DPP10: variants seen among roughly 807,000 people sequenced by gnomAD.
DPP10 encodes inactive dipeptidyl peptidase 10.
DPP10 carries 33 observed loss-of-function variants against 120.9 expected under a neutral mutation model. The ratio of observed to expected loss-of-function variants is 0.27; its 90% confidence interval spans 0.21 to 0.37. The LOEUF (loss-of-function observed/expected upper bound fraction) is 0.37, where lower values mean the gene tolerates loss of function less well. DPP10 is among the 10% of genes least tolerant of loss of function. The pLI is 1.00. For missense variants in DPP10, 816 were observed against 942.8 expected (o/e 0.87, Z 1.76); for synonymous variants, 337 against 326.1 (o/e 1.03, Z -0.36).
Position 115,753,181 on chromosome 2 carries a change from T to C in DPP10, c.958T>C (p.Tyr320His), listed in dbSNP as rs201054557. The C allele has an allele frequency of 8.1e-6, 13 of 1,610,500 alleles. No homozygotes were observed. In the East Asian group the frequency reaches 2.9e-4, roughly 36 times the overall value. ...PPDSFKSREYYITMVKWVSNT... is the reference protein window; with the variant it reads ...PPDSFKSREYHITMVKWVSNT... The stretch of plus-strand genomic sequence containing the variant: ...ATTTTGTTTCCAAACTAGAGAATAC[T>C]ATATCACTATGGTTAAATGGGTAAG... The change falls in exon 11 of 26, where the codon TAT becomes CAT. Residue 320 changes from tyrosine (Y) to histidine (H), a missense_variant. Transcript: ENST00000410059.
chr2:115,133,491 C>T (rs1031444209), intron 1 of DPP10, among the ~76,000 whole-genome samples: 13 of 151,892 alleles, frequency 8.6e-5, no homozygotes, highest in Admixed American at 7.2e-4. Context: ...AGGACATGTT[C>T]TCAATAGAGA....
chr2:115,410,125 T>G (rs1411190182), intron 3 of DPP10, among the ~76,000 whole-genome samples: 1 of 152,208 alleles, frequency 6.6e-6, no homozygotes, highest in East Asian at 1.9e-4. Context: ...AAATAGGGAA[T>G]CTGTGTATAT....
chr2:114,653,931 A>C (rs1348775657), intron 1 of DPP10, among the ~76,000 whole-genome samples: 1 of 152,134 alleles, frequency 6.6e-6, no homozygotes, highest in African/African-American at 2.4e-5. Context: ...CTAGATAGGC[A>C]TCTAGAAAGG....
At chr2:114,938,983 C>T (rs1696691133) in intron 1 of DPP10, among the ~76,000 whole-genome samples, 2 of 152,024 alleles carry the variant, frequency 1.3e-5, no homozygotes, top group African/African-American at 4.8e-5. Context: ...TACTTTCTAA[C>T]TTTCCTGTCA....
intron 24 of DPP10, among the ~76,000 whole-genome samples, chr2:115,838,527 C>T (rs988023659): frequency 2.6e-5 from 4 of 152,240 alleles, no homozygotes; most frequent in Non-Finnish European, 4.4e-5. Flanking sequence ...GCCTTTTATT[C>T]ACTGTGCCCT....
chr2:114,623,501 G>A (rs1421833666), intron 1 of DPP10, among the ~76,000 whole-genome samples: 1 of 152,064 alleles, frequency 6.6e-6, no homozygotes, highest in South Asian at 2.1e-4. Flanking sequence ...TGCAATTTGA[G>A]GGATTTTTAT....
intron 1 of DPP10, among the ~76,000 whole-genome samples, chr2:115,225,569 T>G (rs2057395370): frequency 6.6e-6 from 1 of 151,886 alleles, no homozygotes; most frequent in Non-Finnish European, 1.5e-5. Context: ...TTTACTGAGC[T>G]GGGGATAGAT....
rs765623168 is a variant in DPP10, at chr2:115,521,778, C to T, written c.367-4120C>T. 6.6e-5 allele frequency among the ~76,000 whole-genome samples: 10 copies of T among 152,188 alleles called. No individual in the cohort carries two copies. In the South Asian group the frequency reaches 2.1e-3, roughly 32 times the overall value. ...ATCTAACTAGTTTTTCACCCAGTTGCCAAGGTAATAGTTCTAAATTCAAAC... is the reference window on the plus strand; with the variant it reads ...ATCTAACTAGTTTTTCACCCAGTTGTCAAGGTAATAGTTCTAAATTCAAAC... On this transcript the variant is annotated intron_variant, in intron 4 of 25. Coordinates refer to ENST00000410059, the MANE Select transcript of DPP10 (RefSeq NM_020868.6).
At chr2:114,660,976 T>C (rs1697355646) in intron 1 of DPP10, among the ~76,000 whole-genome samples, 1 of 152,192 alleles carries the variant, frequency 6.6e-6, no homozygotes, top group South Asian at 2.1e-4. Flanking sequence ...ACAATAAAAT[T>C]AGGCTGCATT....
intron 1 of DPP10, among the ~76,000 whole-genome samples, chr2:115,158,877 A>C (rs1447544717): frequency 6.6e-6 from 1 of 152,194 alleles, no homozygotes; most frequent in African/African-American, 2.4e-5. Flanking sequence ...AGATTTAAAC[A>C]TTATCAAGAC....
intron 1 of DPP10, among the ~76,000 whole-genome samples, chr2:115,273,365 C>CTT: frequency 6.6e-6 from 1 of 151,846 alleles, no homozygotes; most frequent in South Asian, 2.1e-4. Flanking sequence ...TTGTTTTGAC[C>CTT]GAGTCTCCCT....
intron 3 of DPP10, among the ~76,000 whole-genome samples, chr2:115,464,439 C>A (rs965319993): frequency 1.1e-4 from 17 of 150,826 alleles, no homozygotes; most frequent in South Asian, 4.2e-4. Context: ...AACAAACAAA[C>A]AAAAAAAACA....
At chr2:115,288,948 A>G (rs552440810) in intron 1 of DPP10, among the ~76,000 whole-genome samples, 15 of 152,218 alleles carry the variant, frequency 9.9e-5, no homozygotes, top group African/African-American at 2.9e-4. Flanking sequence ...AGACAGAGCA[A>G]TCATGCAAGA....
At chr2:114,918,837 A>G (rs1694991701) in intron 1 of DPP10, among the ~76,000 whole-genome samples, 1 of 152,156 alleles carries the variant, frequency 6.6e-6, no homozygotes, top group East Asian at 1.9e-4. Flanking sequence ...AAAACTACCT[A>G]TCAAGTAGTA....
intron 1 of DPP10, among the ~76,000 whole-genome samples, chr2:114,804,537 C>T (rs1037632767): frequency 6.6e-6 from 1 of 152,176 alleles, no homozygotes; most frequent in Admixed American, 6.5e-5. Flanking sequence ...CCATGGGAAC[C>T]CACCTCTTGC....
At chr2:115,534,216 C>T (rs10183882) in intron 5 of DPP10, among the ~76,000 whole-genome samples, 4,340 of 151,974 alleles carry the variant, frequency 0.029, 207 homozygotes, top group African/African-American at 0.1. Context: ...CCCACTAACT[C>T]GTCATCTAGC....
intron 1 of DPP10, among the ~76,000 whole-genome samples, chr2:114,937,515 A>T (rs1696572832): frequency 1.3e-5 from 2 of 152,206 alleles, no homozygotes; most frequent in South Asian, 4.1e-4. Context: ...AAGGCTGCAC[A>T]GATCCCACCT....
chr2:115,318,812 T>A (rs2061922324), intron 2 of DPP10, among the ~76,000 whole-genome samples: 1 of 152,160 alleles, frequency 6.6e-6, no homozygotes, highest in Non-Finnish European at 1.5e-5. Context: ...TAGCTTATTG[T>A]AGATTATCTG....
At chr2:114,505,783 G>A (rs556590543) in intron 1 of DPP10, among the ~76,000 whole-genome samples, 33 of 152,130 alleles carry the variant, frequency 2.2e-4, no homozygotes, top group African/African-American at 5.1e-4. Flanking sequence ...CAGTCTTCTC[G>A]GACTCTCCAG....
Sources: gnomAD v4.1 joint callset for allele counts (sites outside exome capture counted in the v4.1 genomes callset) on GRCh38, gnomAD v4.1.1 for gene constraint, MANE v1.5 for transcripts, NCBI Gene and HGNC (gene_info 2026-07-23, HGNC 2026-07-21) for gene names.